The following NPEPPS variants were observed in gnomAD, a reference collection of about 807,000 sequenced individuals.
NPEPPS encodes the protein puromycin-sensitive aminopeptidase.
In NPEPPS, 14 loss-of-function variants were observed where a neutral mutation model predicts 115.5. That is an observed-to-expected ratio of 0.12 (90% CI 0.08 to 0.19). The LOEUF is 0.19. NPEPPS is among the 10% of genes least tolerant of loss of function. NPEPPS has a pLI of 1.00. For synonymous variants in NPEPPS, 285 were observed against 390.6 expected, an observed-to-expected ratio of 0.73 and a Z score of 3.19; for missense variants, 523 against 1,110.8, an observed-to-expected ratio of 0.47 and a Z score of 7.52.
At chr17:47,535,494 T>C (rs1049241678) in intron 1 of NPEPPS, among the ~76,000 whole-genome samples, 1 of 139,320 alleles carries the variant, frequency 7.2e-6, no homozygotes, top group Non-Finnish European at 1.5e-5. Flanking sequence ...GAGCTTGCAG[T>C]GAGCCGAGAT....
intron 19 of NPEPPS, among the ~76,000 whole-genome samples, chr17:47,617,194 A>G (rs148582251): frequency 4.3e-4 from 66 of 152,306 alleles, no homozygotes; most frequent in African/African-American, 1.5e-3. Flanking sequence ...TAATGTACAT[A>G]TAGTAGTAAT....
chr17:47,582,358 G>A (rs1289965825), intron 4 of NPEPPS: 1 of 209,798 alleles, frequency 4.8e-6, no homozygotes, highest in East Asian at 1.3e-4. Flanking sequence ...AGCCAGAGAG[G>A]CAACTTACCA....
At chr17:47,592,429 A>G in intron 11 of NPEPPS, 56 bp from the exon 12 acceptor site, 4 of 1,519,610 alleles carry the variant, frequency 2.6e-6, no homozygotes, top group South Asian at 2.4e-5. Context: ...ATATACAAAT[A>G]TACTATAAAT....
At position 47,556,831 on chromosome 17, in the gene NPEPPS, A is replaced by G. The variant is rs187567417; in HGVS notation, c.340+10838A>G. Among the ~76,000 whole-genome samples, 894 of 152,134 alleles carry G rather than the reference A, an allele frequency of 5.9e-3. 11 individuals carry two copies. The highest frequency in any genetic ancestry group is 0.019 in the African/African-American group (778 of 41,526). ...GCTAATTTTTGTATTTTTAGTAGAG[A>G]TGGGGTTTCCCCACGTTGGCCAGGC... On this transcript the variant is annotated intron_variant, in intron 2 of 22. Coordinates refer to ENST00000322157, the MANE Select transcript of NPEPPS (RefSeq NM_006310.4).
intron 2 of NPEPPS, among the ~76,000 whole-genome samples, chr17:47,547,104 TGAA>T (rs1472661224): frequency 6.6e-6 from 1 of 152,168 alleles, no homozygotes; most frequent in Non-Finnish European, 1.5e-5. Flanking sequence ...TGAGACAATA[TGAA>T]GATTAGAAGC....
intron 1 of NPEPPS, among the ~76,000 whole-genome samples, chr17:47,531,885 C>T (rs529419960): frequency 6.6e-6 from 1 of 152,288 alleles, no homozygotes; most frequent in South Asian, 2.1e-4. Context: ...GCCCCGGACC[C>T]TTCTGGGCTT....
chr17:47,604,190 G>T, intron 16 of NPEPPS, 141 bp downstream of exon 16: 1 of 632,570 alleles, frequency 1.6e-6, no homozygotes, highest in African/African-American at 1.8e-5. Flanking sequence ...GCAAATCACT[G>T]TTTTTAATAT....
intron 12 of NPEPPS, among the ~76,000 whole-genome samples, chr17:47,593,836 A>G (rs1172081054): frequency 1.3e-5 from 2 of 152,218 alleles, no homozygotes; most frequent in Admixed American, 6.5e-5. Flanking sequence ...ATTTCTAAAT[A>G]TAGAAAAGGT....
chr17:47,586,180 C>T lies in NPEPPS; in HGVS notation c.882C>T (p.Asp294=), dbSNP rs1394857212. The change falls in exon 7 of 23, where the codon GAC becomes GAT. Residue 294 remains aspartate, a synonymous_variant. Transcript: ENST00000322157. ...VAAKTLPFYK[D]YFNVPYPLPK... ...CTAAAACCTTGCCTTTTTATAAGGA[C>T]TACTTCAATGTTCCTTATCCTCTAC... 1 of 1,150,690 alleles carries T rather than the reference C, an allele frequency of 8.7e-7. No homozygotes were observed. Among genetic ancestry groups the T allele is most frequent in the African/African-American group, 1.6e-5 (1 of 61,542 alleles). The allele number at this position is 1,150,690 out of a possible 1,614,324, so 71.3% of individuals were successfully genotyped here. A position where few individuals can be genotyped will look rare whatever the true frequency, so the allele number is the denominator to read the frequency against.
chr17:47,541,463 G>C (rs796323417), intron 1 of NPEPPS, among the ~76,000 whole-genome samples: 2 of 151,202 alleles, frequency 1.3e-5, no homozygotes, highest in Admixed American at 6.6e-5. Context: ...TGCAACCTCC[G>C]CCTCCTGGGT....
At chr17:47,594,140 G>A (rs4793842) in intron 12 of NPEPPS, among the ~76,000 whole-genome samples, 68,289 of 151,940 alleles carry the variant, frequency 0.45, 16,329 homozygotes, top group East Asian at 0.55. Flanking sequence ...GGGCAACAGC[G>A]AAACGCGGTC....
chr17:47,616,568 C>T (rs1277260690), intron 19 of NPEPPS, among the ~76,000 whole-genome samples: 3 of 151,640 alleles, frequency 2.0e-5, no homozygotes, highest in Non-Finnish European at 4.4e-5. Context: ...CCTGTAGTCC[C>T]AGCTACTCAG....
At chr17:47,601,213 C>G (rs4793913) in intron 14 of NPEPPS, among the ~76,000 whole-genome samples, 1 of 151,350 alleles carries the variant, frequency 6.6e-6, no homozygotes, top group African/African-American at 2.4e-5. Flanking sequence ...CCAGCCTGGG[C>G]GACAGAGCAA....
intron 2 of NPEPPS, among the ~76,000 whole-genome samples, chr17:47,558,970 G>A (rs1417002553): frequency 1.3e-5 from 2 of 151,886 alleles, no homozygotes; most frequent in Admixed American, 6.6e-5. Context: ...GGAGGCGGAC[G>A]GAGGTTGCAG....
chr17:47,584,094 A>G (rs1018528057), intron 5 of NPEPPS, among the ~76,000 whole-genome samples: 2 of 150,120 alleles, frequency 1.3e-5, no homozygotes, highest in African/African-American at 2.5e-5. Flanking sequence ...GGTGGCAGGC[A>G]CCTGTAACCC....
intron 17 of NPEPPS, among the ~76,000 whole-genome samples, chr17:47,609,363 A>G (rs1286838909): frequency 2.0e-5 from 3 of 152,242 alleles, no homozygotes; most frequent in African/African-American, 7.2e-5. Flanking sequence ...ATAACGTGAC[A>G]CTTTTTGACT....
At chr17:47,585,107 G>A (rs567460467) in intron 5 of NPEPPS, among the ~76,000 whole-genome samples, 2 of 152,286 alleles carry the variant, frequency 1.3e-5, no homozygotes, top group African/African-American at 2.4e-5. Context: ...TATTACAGGC[G>A]TGAGCCACCG....
At chr17:47,553,549 T>C (rs570125905) in intron 2 of NPEPPS, among the ~76,000 whole-genome samples, 2 of 152,260 alleles carry the variant, frequency 1.3e-5, no homozygotes, top group South Asian at 4.1e-4. Flanking sequence ...CTATGGCAGA[T>C]GTGTTCTAAG....
intron 6 of NPEPPS, 127 bp from the exon 7 acceptor site, chr17:47,586,021 A>G (rs1912153475): frequency 9.8e-7 from 1 of 1,020,096 alleles, no homozygotes. Context: ...TTCGGAGGGT[A>G]GGGCTCCTCG....
Sources: allele counts gnomAD v4.1 joint callset (sites outside exome capture counted in the v4.1 genomes callset), GRCh38; gene constraint gnomAD v4.1.1; transcripts MANE v1.5; gene names NCBI Gene and HGNC (gene_info 2026-07-23, HGNC 2026-07-21).